MMP26: variants seen among roughly 807,000 people sequenced by gnomAD.
MMP26 encodes the protein matrix metallopeptidase 26.
A neutral mutation model predicts 31.0 loss-of-function variants in MMP26; 33 were observed. The observed-to-expected ratio is 1.06, with a 90% CI of 0.81 to 1.42. The LOEUF is 1.42. MMP26 is among the 40% of genes most tolerant of loss of function. The probability of loss-of-function intolerance (pLI) is 0.00; values close to 1 mark genes in which losing one functional copy is unlikely to be tolerated. For missense variants in MMP26, 347 were observed against 316.1 expected (o/e 1.10, Z -0.74); for synonymous variants, 122 against 114.9 (o/e 1.06, Z -0.40).
chr11:4,843,322 G>A (rs1024289677), intron 2 of MMP26, among the ~76,000 whole-genome samples: 2 of 152,194 alleles, frequency 1.3e-5, no homozygotes, highest in Non-Finnish European at 2.9e-5. Context: ...TTCTCCATGA[G>A]AGCACCACCC....
At chr11:4,723,796 A>T in intron 1 of MMP26, 1 of 1,571,082 alleles carries the variant, frequency 6.4e-7, no homozygotes, top group Non-Finnish European at 8.7e-7. Flanking sequence ...CTGCTGCTGC[A>T]GGAGGCTCCA....
At chr11:4,819,725 T>A (rs749736321) in intron 2 of MMP26, among the ~76,000 whole-genome samples, 6 of 151,758 alleles carry the variant, frequency 4.0e-5, no homozygotes, top group Non-Finnish European at 8.8e-5. Context: ...CCTACAGACA[T>A]GTACCACCAT....
At position 4,991,494 on chromosome 11, in the gene MMP26, C is replaced by T; in HGVS notation, c.593C>T (p.Thr198Ile). Reference protein sequence around the residue: ...DKNEHWSASDTGYNLFLVATH... With the variant: ...DKNEHWSASDIGYNLFLVATH... ...AATGAACACTGGTCAGCTTCAGACA[C>T]TGGTAAATGCCTTGTTTGGTGGGAT... The change falls in exon 6 of 8, where the codon ACT becomes ATT. Residue 198 changes from threonine (T) to isoleucine (I), a missense_variant and splice_region_variant. Transcript: ENST00000380390. 2 of 1,613,244 alleles carry T rather than the reference C, an allele frequency of 1.2e-6. No individual in the cohort carries two copies. Among genetic ancestry groups the T allele is most frequent in the South Asian group, 2.2e-5 (2 of 90,892 alleles).
chr11:4,749,831 A>G (rs1354608001), intron 1 of MMP26, among the ~76,000 whole-genome samples: 1 of 152,202 alleles, frequency 6.6e-6, no homozygotes, highest in African/African-American at 2.4e-5. Flanking sequence ...AAAACACTAG[A>G]AGAAAAGCTA....
intron 2 of MMP26, among the ~76,000 whole-genome samples, chr11:4,772,401 GA>G (rs1252506906): frequency 7.0e-6 from 1 of 142,266 alleles, no homozygotes. Context: ...AATAAAGAGG[GA>G]AAACTTTACA....
intron 2 of MMP26, among the ~76,000 whole-genome samples, chr11:4,928,784 C>T (rs1851307377): frequency 6.6e-6 from 1 of 152,168 alleles, no homozygotes; most frequent in South Asian, 2.1e-4. Flanking sequence ...GCAGTGCACA[C>T]ACTTCTCGCT....
chr11:4,843,251 G>C (rs1849820869), intron 2 of MMP26, among the ~76,000 whole-genome samples: 2 of 152,218 alleles, frequency 1.3e-5, no homozygotes, highest in Admixed American at 1.3e-4. Context: ...CAGTGCCCCA[G>C]TGGGAACTCT....
chr11:4,928,711 T>C (rs775012981), intron 2 of MMP26, among the ~76,000 whole-genome samples: 79 of 152,158 alleles, frequency 5.2e-4, no homozygotes, highest in Non-Finnish European at 4.3e-4. Flanking sequence ...GATGGGTTGC[T>C]AGATCTCCTC....
In MMP26 at chr11:4,753,496, A is replaced by G. The variant is rs140924538; in HGVS notation, c.-216-13774A>G. On this transcript the variant is annotated intron_variant, in intron 1 of 7. Coordinates refer to ENST00000380390, the MANE Select transcript of MMP26 (RefSeq NM_021801.5). ...AACTGGATTATGAGAATAAGGGGGT[A>G]TTTTGGACTAATCCTTGTTTAGTGG... is the stretch of plus-strand genomic sequence containing the variant. Among the ~76,000 whole-genome samples, 123 of 152,184 alleles carry G rather than the reference A, an allele frequency of 8.1e-4. 1 individual carries two copies. Among genetic ancestry groups the G allele is most frequent in the Middle Eastern group, 3.4e-3 (1 of 294 alleles).
chr11:4,923,679 C>A lies in MMP26; in HGVS notation c.-144-64389C>A, dbSNP rs754142789. On this transcript the variant is annotated intron_variant, in intron 2 of 7. Transcript: ENST00000380390. Reference sequence around the variant, plus strand: ...CTGAGCACGGTGCGAAGGATGAGGGCGTATGAGAGAAAGATGAGCAGGGAG... The same window carrying A: ...CTGAGCACGGTGCGAAGGATGAGGGAGTATGAGAGAAAGATGAGCAGGGAG... 4.3e-6 allele frequency: 7 copies of A among 1,613,556 alleles called. No individual in the cohort carries two copies. In the East Asian group the frequency reaches 8.9e-5, roughly 21 times the overall value.
chr11:4,789,312 T>C (rs944468588), intron 2 of MMP26, among the ~76,000 whole-genome samples: 3 of 152,238 alleles, frequency 2.0e-5, no homozygotes, highest in African/African-American at 7.2e-5. Flanking sequence ...TGTAATTAAA[T>C]TGCAAAATGC....
intron 1 of MMP26, among the ~76,000 whole-genome samples, chr11:4,713,286 CTT>C (rs1847885071): frequency 6.6e-6 from 1 of 152,108 alleles, no homozygotes; most frequent in African/African-American, 2.4e-5. Context: ...ATTCAAATGA[CTT>C]AGGATGCATA....
intron 2 of MMP26, among the ~76,000 whole-genome samples, chr11:4,963,318 T>C (rs1180015345): frequency 6.6e-6 from 1 of 152,164 alleles, no homozygotes; most frequent in Non-Finnish European, 1.5e-5. Flanking sequence ...CCCAAAGTAA[T>C]TTATAGATTC....
chr11:4,732,515 C>G (rs897956616), intron 1 of MMP26, among the ~76,000 whole-genome samples: 4 of 149,044 alleles, frequency 2.7e-5, no homozygotes, highest in Non-Finnish European at 5.9e-5. Flanking sequence ...CTTGTTCCAG[C>G]CTGGGCAAAA....
intron 2 of MMP26, chr11:4,919,202 C>G (rs1851144973): frequency 6.6e-6 from 1 of 152,244 alleles, no homozygotes; most frequent in South Asian, 2.1e-4. Context: ...CTCTCTGCAG[C>G]CTTTTGGTAG....
chr11:4,882,568 C>T (rs945540590), intron 2 of MMP26: 3 of 1,613,886 alleles, frequency 1.9e-6, no homozygotes, highest in Non-Finnish European at 2.5e-6. Context: ...ATGTCCTGAT[C>T]CTCCGTACTG....
chr11:4,894,090 T>C (rs1850667835), intron 2 of MMP26, among the ~76,000 whole-genome samples: 1 of 152,198 alleles, frequency 6.6e-6, no homozygotes. Flanking sequence ...AATTAAGTGC[T>C]TTATTTTACC....
intron 2 of MMP26, among the ~76,000 whole-genome samples, chr11:4,771,886 C>A (rs937180752): frequency 6.6e-6 from 1 of 152,184 alleles, no homozygotes; most frequent in African/African-American, 2.4e-5. Flanking sequence ...TGATATCTGA[C>A]TTTTCTATAA....
At chr11:4,863,814 T>A (rs1850197667) in intron 2 of MMP26, among the ~76,000 whole-genome samples, 1 of 152,196 alleles carries the variant, frequency 6.6e-6, no homozygotes, top group Non-Finnish European at 1.5e-5. Flanking sequence ...CCCTTCCTAA[T>A]TTCCCTAAGG....
Sources: allele counts gnomAD v4.1 joint callset (sites outside exome capture counted in the v4.1 genomes callset), GRCh38; gene constraint gnomAD v4.1.1; transcripts MANE v1.5; gene names NCBI Gene and HGNC (gene_info 2026-07-23, HGNC 2026-07-21).